Variants in MIDEAS observed in about 807,000 individuals in gnomAD.
The protein encoded by MIDEAS is mitotic deacetylase associated SANT domain protein.
A neutral mutation model predicts 102.7 loss-of-function variants in MIDEAS; 26 were observed. The observed-to-expected ratio is 0.25, with a 90% CI of 0.19 to 0.35. The LOEUF (loss-of-function observed/expected upper bound fraction) is 0.35. MIDEAS is among the 10% of genes least tolerant of loss of function. The pLI, the probability that MIDEAS is intolerant of heterozygous loss-of-function variation, is 1.00. For missense variants in MIDEAS, 1,231 were observed against 1,435.6 expected (o/e 0.86, Z 2.30); for synonymous variants, 585 against 591.0 (o/e 0.99, Z 0.15).
intron 1 of MIDEAS, among the ~76,000 whole-genome samples, chr14:73,744,529 A>G (rs1285343350): frequency 6.6e-6 from 1 of 152,170 alleles, no homozygotes; most frequent in Non-Finnish European, 1.5e-5. Flanking sequence ...AGGCCCCACA[A>G]GCTCAGCACT....
At position 73,738,965 on chromosome 14, in the gene MIDEAS, G is replaced by A. The variant is rs1312417436; in HGVS notation, c.1044C>T (p.Arg348=). The A allele has an allele frequency of 6.5e-7, 1 of 1,531,620 alleles. No homozygotes were observed. The highest frequency in any genetic ancestry group is 8.8e-7 in the Non-Finnish European group (1 of 1,141,288). The allele number at this position is 1,531,620 out of a possible 1,614,324, so 94.9% of individuals were successfully genotyped here. A position where few individuals can be genotyped will look rare whatever the true frequency, so the allele number is the denominator to read the frequency against. ...GAGGCAGGATACCCTCCTTAGAGAG[G>A]CGGCGGGAGCGGCGGGGGAAGGGGA... is the stretch of plus-strand genomic sequence containing the variant. ...VQIPFPRRSR[R]LSKEGILPPS... is the part of the protein sequence containing the mutation. The change falls in exon 2 of 13, where the codon CGC becomes CGT. Residue 348 remains arginine (R), a synonymous_variant. Coordinates refer to ENST00000423556, the MANE Select transcript of MIDEAS (RefSeq NM_001367710.1).
chr14:73,765,561 T>C (rs1372184314), intron 1 of MIDEAS, among the ~76,000 whole-genome samples: 1 of 152,186 alleles, frequency 6.6e-6, no homozygotes, highest in African/African-American at 2.4e-5. Context: ...GTAGCTCCCA[T>C]CATCTACTGC....
chr14:73,786,660 G>T (rs556863816), intron 1 of MIDEAS, among the ~76,000 whole-genome samples: 112 of 152,352 alleles, frequency 7.4e-4, no homozygotes, highest in African/African-American at 2.5e-3. Flanking sequence ...AAAGTCCGGG[G>T]AAAGTTCCTT....
Position 73,718,724 on chromosome 14 carries a change from A to T in MIDEAS, c.*119T>A. On this transcript the variant is annotated 3_prime_UTR_variant, in exon 13 of 13. Coordinates refer to ENST00000423556, the MANE Select transcript of MIDEAS (RefSeq NM_001367710.1). Reference sequence around the variant, plus strand: ...TATGTCATTGTCTCATTTGTTTCGCAGGGAAAAGTCCCTGCAATCCTCTCC... The same window carrying T: ...TATGTCATTGTCTCATTTGTTTCGCTGGGAAAAGTCCCTGCAATCCTCTCC... 1 of 1,066,598 alleles carries T rather than the reference A, an allele frequency of 9.4e-7. No homozygotes were observed. The highest frequency in any genetic ancestry group is 2.6e-5 in the South Asian group (1 of 38,906). The allele number at this position is 1,066,598 out of a possible 1,614,324, so 66.1% of individuals were successfully genotyped here.
At chr14:73,719,571 G>A (rs558528449) in intron 11 of MIDEAS, 70 bp from the exon 12 acceptor site, 227 of 1,487,022 alleles carry the variant, frequency 1.5e-4, no homozygotes, top group African/African-American at 2.5e-4. Flanking sequence ...AAAATCGCAG[G>A]GAACCGGGGG....
chr14:73,779,720 G>A (rs1595302044), intron 1 of MIDEAS, among the ~76,000 whole-genome samples: 1 of 144,870 alleles, frequency 6.9e-6, no homozygotes, highest in South Asian at 2.3e-4. Context: ...TGGGACTACA[G>A]GCGCCCGCCA....
chr14:73,758,066 GT>G (rs1212692151), intron 1 of MIDEAS, among the ~76,000 whole-genome samples: 3 of 151,914 alleles, frequency 2.0e-5, no homozygotes, highest in East Asian at 3.9e-4. Flanking sequence ...TCACCCCCTT[GT>G]CCCCCCGGGA....
rs748463058 is a variant in MIDEAS, at chr14:73,729,928, G to T, written c.1807C>A (p.Arg603=). Residue 603 remains arginine (R), a synonymous_variant, in exon 4 of 13, where the codon CGG becomes AGG. Coordinates refer to ENST00000423556, the MANE Select transcript of MIDEAS (RefSeq NM_001367710.1). ...ATGATGAGGGGCTCGGGCCTGGGCC[G>T]CTGCTTTGGTTTCCGCACGGAAGGC... ...GEPSVRKPKQ[R]PRPEPLIIPT... is the part of the protein sequence containing the mutation. 6.2e-7 allele frequency: 1 copy of T among 1,606,522 alleles called. No individual in the cohort carries two copies. The highest frequency in any genetic ancestry group is 1.7e-5 in the Admixed American group (1 of 59,700).
At chr14:73,781,075 G>C (rs565157708) in intron 1 of MIDEAS, among the ~76,000 whole-genome samples, 1 of 152,260 alleles carries the variant, frequency 6.6e-6, no homozygotes, top group South Asian at 2.1e-4. Context: ...AATTATCAAT[G>C]CAGGATGGCC....
At chr14:73,756,306 G>A (rs1054082313) in intron 1 of MIDEAS, among the ~76,000 whole-genome samples, 3 of 98,220 alleles carry the variant, frequency 3.1e-5, no homozygotes, top group South Asian at 3.9e-4. Context: ...GCGCGCGCGC[G>A]TGCGCGCTGA....
intron 3 of MIDEAS, 88 bp downstream of exon 3, chr14:73,736,910 A>AT: frequency 7.5e-7 from 1 of 1,336,896 alleles, no homozygotes; most frequent in Non-Finnish European, 1.0e-6. Flanking sequence ...ATACCTTCCT[A>AT]CATTGCCATG....
At chr14:73,764,288 C>T (rs2053575378), upstream of MIDEAS, among the ~76,000 whole-genome samples, 1 of 149,660 alleles carries the variant, frequency 6.7e-6, no homozygotes, top group Non-Finnish European at 1.5e-5. Context: ...TGCAGTGAGC[C>T]CAGATTGCCC....
intron 1 of MIDEAS, among the ~76,000 whole-genome samples, chr14:73,758,348 T>C (rs1418913905): frequency 6.6e-6 from 1 of 152,226 alleles, no homozygotes. Context: ...TGGGAGGCTC[T>C]AGAGCAAGAC....
At chr14:73,722,401 T>G (rs1254735241) in intron 10 of MIDEAS, 1 of 211,170 alleles carries the variant, frequency 4.7e-6, no homozygotes, top group African/African-American at 2.3e-5. Flanking sequence ...GATACAAGAA[T>G]GACTGAGGTT....
rs144337705 is a variant in MIDEAS at position 73,785,026 on chromosome 14, TCC to T, written c.-248+2074_-248+2075del. The stretch of plus-strand genomic sequence containing the variant: ...TGGAAAGGCCAGGCATTGGAGAAAC[TCC>T]AGTGCACTGGAATCATCAGTACCTG... On this transcript the variant is annotated intron_variant, in intron 1 of 11. Transcript: ENST00000394071. Among the ~76,000 whole-genome samples, 376 of 152,124 alleles carry T rather than the reference TCC, an allele frequency of 2.5e-3. 2 individuals carry two copies. Among genetic ancestry groups the T allele is most frequent in the Admixed American group, 0.016 (245 of 15,280 alleles).
chr14:73,741,458 CG>C (rs2053280373), intron 1 of MIDEAS, among the ~76,000 whole-genome samples: 1 of 152,008 alleles, frequency 6.6e-6, no homozygotes, highest in African/African-American at 2.4e-5. Context: ...GAAAACAGCT[CG>C]GGCGGCTCTG....
At chr14:73,746,223 G>A (rs2053349921) in intron 1 of MIDEAS, among the ~76,000 whole-genome samples, 2 of 152,244 alleles carry the variant, frequency 1.3e-5, no homozygotes, top group Non-Finnish European at 2.9e-5. Context: ...GTGTCCATGG[G>A]AAGCTGGGAT....
rs111874082 is a variant in MIDEAS at position 73,733,490 on chromosome 14, G to C, written c.1750-3505C>G. Reference sequence around the variant, plus strand: ...TGTAGTCCCAGCTACTCAGGAGGCTGAGGCAGAAGAATCGCTTGAACCTGG... The same window carrying C: ...TGTAGTCCCAGCTACTCAGGAGGCTCAGGCAGAAGAATCGCTTGAACCTGG... On this transcript the variant is annotated intron_variant, in intron 3 of 12. Coordinates refer to ENST00000423556, the MANE Select transcript of MIDEAS (RefSeq NM_001367710.1). Among the ~76,000 whole-genome samples, 562 of 152,090 alleles carry C rather than the reference G, an allele frequency of 3.7e-3. 2 individuals are homozygous for C. The highest frequency in any genetic ancestry group is 0.013 in the African/African-American group (524 of 41,512).
At chr14:73,733,478 A>T (rs1429871628) in intron 3 of MIDEAS, among the ~76,000 whole-genome samples, 1 of 151,738 alleles carries the variant, frequency 6.6e-6, no homozygotes. Context: ...AGTCCCAGCT[A>T]CTCAGGAGGC....
Sources: allele counts gnomAD v4.1 joint callset (sites outside exome capture counted in the v4.1 genomes callset), GRCh38; gene constraint gnomAD v4.1.1; transcripts MANE v1.5; gene names NCBI Gene and HGNC (gene_info 2026-07-23, HGNC 2026-07-21).